HHAT: variants seen among roughly 807,000 people sequenced by gnomAD.
The protein encoded by HHAT is protein-cysteine N-palmitoyltransferase HHAT.
In HHAT, 47 loss-of-function variants were observed where a neutral mutation model predicts 70.8. That is an observed-to-expected ratio of 0.66 (90% CI 0.53 to 0.85). The LOEUF is 0.85. HHAT is among the 40% of genes least tolerant of loss of function. The pLI is 0.00. For missense variants in HHAT, 609 were observed against 604.8 expected, an observed-to-expected ratio of 1.01 and a Z score of -0.07; for synonymous variants, 228 against 247.6, an observed-to-expected ratio of 0.92 and a Z score of 0.74.
chr1:210,410,094 C>T (rs1282353056), intron 6 of HHAT, among the ~76,000 whole-genome samples: 1 of 151,942 alleles, frequency 6.6e-6, no homozygotes, highest in Admixed American at 6.6e-5. Context: ...GCTCTGTCGC[C>T]CAGGATGGAG....
chr1:210,577,107 A>G (rs1251356299), intron 9 of HHAT, among the ~76,000 whole-genome samples: 1 of 150,428 alleles, frequency 6.6e-6, no homozygotes, highest in Non-Finnish European at 1.5e-5. Context: ...TTTTTTACGT[A>G]TAAGATCATG....
intron 7 of HHAT, chr1:210,462,455 T>G (rs2093999085): frequency 6.6e-6 from 1 of 152,228 alleles, no homozygotes; most frequent in African/African-American, 2.4e-5. Flanking sequence ...GAAACTGATT[T>G]ATCACCCAGA....
At chr1:210,417,880 T>C (rs1369539403) in intron 6 of HHAT, among the ~76,000 whole-genome samples, 1 of 152,124 alleles carries the variant, frequency 6.6e-6, no homozygotes, top group Non-Finnish European at 1.5e-5. Context: ...GGGCTGATGC[T>C]GGAGTGGAGG....
intron 10 of HHAT, among the ~76,000 whole-genome samples, chr1:210,601,959 ATGT>A (rs1664368868): frequency 4.1e-5 from 2 of 48,768 alleles, no homozygotes; most frequent in African/African-American, 6.6e-5. Context: ...GAGAGAGAGT[ATGT>A]GTGTGAGAGT....
intron 11 of HHAT, among the ~76,000 whole-genome samples, chr1:210,630,048 C>T (rs973364966): frequency 6.6e-6 from 1 of 151,942 alleles, no homozygotes; most frequent in African/African-American, 2.4e-5. Flanking sequence ...TCACCATGTT[C>T]GTCAGGCTGG....
At chr1:210,598,349 A>G (rs1663488346) in intron 10 of HHAT, among the ~76,000 whole-genome samples, 1 of 152,032 alleles carries the variant, frequency 6.6e-6, no homozygotes. Context: ...GTGACTCACT[A>G]GGTCACGTGT....
At chr1:210,333,606 G>A (rs1337439838) in intron 1 of HHAT, among the ~76,000 whole-genome samples, 2 of 151,982 alleles carry the variant, frequency 1.3e-5, no homozygotes, top group African/African-American at 4.8e-5. Flanking sequence ...ACAGTAGTAT[G>A]AAAGTATCTG....
intron 11 of HHAT, among the ~76,000 whole-genome samples, chr1:210,672,715 G>A (rs1680338384): frequency 6.6e-6 from 1 of 152,130 alleles, no homozygotes. Flanking sequence ...AGATTGTTAA[G>A]TAACAAATAC....
At chr1:210,588,638 T>C (rs1387824447) in intron 10 of HHAT, 1 of 152,602 alleles carries the variant, frequency 6.6e-6, no homozygotes, top group Non-Finnish European at 1.5e-5. Flanking sequence ...TGTATTAAGA[T>C]GAATATCATA....
chr1:210,624,328 T>A (rs1408322180), intron 11 of HHAT, among the ~76,000 whole-genome samples: 1 of 152,180 alleles, frequency 6.6e-6, no homozygotes, highest in African/African-American at 2.4e-5. Flanking sequence ...AAGAAATAAA[T>A]TCCATTTCTT....
intron 10 of HHAT, among the ~76,000 whole-genome samples, chr1:210,603,828 G>T (rs1252982233): frequency 6.6e-6 from 1 of 152,178 alleles, no homozygotes; most frequent in African/African-American, 2.4e-5. Flanking sequence ...CTTTCGAGCA[G>T]CTGCTGGCCT....
chr1:210,468,042 T>G (rs1305803242), intron 8 of HHAT, among the ~76,000 whole-genome samples: 1 of 152,288 alleles, frequency 6.6e-6, no homozygotes, highest in East Asian at 1.9e-4. Flanking sequence ...CCTGATGGGT[T>G]TGTTTTTCTT....
At chr1:210,637,871 A>AAGGG (rs1553312396) in intron 11 of HHAT, among the ~76,000 whole-genome samples, 6 of 117,500 alleles carry the variant, frequency 5.1e-5, no homozygotes, top group African/African-American at 9.7e-5. Flanking sequence ...AAAAAAAAAA[A>AAGGG]GGGGGGGGCA....
At chr1:210,583,308 C>T (rs1370308351) in intron 9 of HHAT, among the ~76,000 whole-genome samples, 2 of 152,192 alleles carry the variant, frequency 1.3e-5, no homozygotes, top group African/African-American at 4.8e-5. Flanking sequence ...GCAGTGACCA[C>T]GCGAAGCCGG....
intron 3 of HHAT, among the ~76,000 whole-genome samples, chr1:210,375,138 A>G (rs541195851): frequency 1.6e-5 from 1 of 61,640 alleles, no homozygotes; most frequent in South Asian, 3.7e-4. Context: ...GTTTTATCAC[A>G]TGTGTAGATT....
At chr1:210,452,380 C>G (rs537979626) in intron 7 of HHAT, among the ~76,000 whole-genome samples, 3 of 152,124 alleles carry the variant, frequency 2.0e-5, no homozygotes, top group Non-Finnish European at 2.9e-5. Flanking sequence ...TCAGTGCCTC[C>G]CCTTTTAGAA....
intron 2 of HHAT, among the ~76,000 whole-genome samples, chr1:210,359,160 G>C (rs535373569): frequency 2.6e-5 from 4 of 152,150 alleles, no homozygotes; most frequent in African/African-American, 9.7e-5. Flanking sequence ...GGCACAGAAG[G>C]CTTCTTTTCT....
chr1:210,555,626 C>A (rs140353043), intron 9 of HHAT, among the ~76,000 whole-genome samples: 17 of 152,210 alleles, frequency 1.1e-4, no homozygotes, highest in African/African-American at 3.6e-4. Flanking sequence ...AAGCAGCCAG[C>A]CTTTGACACA....
rs35244381 is a variant in HHAT, at chr1:210,519,527, C to CTTTTTTTTTTTTT, written c.1043+6345_1043+6357dup. Among the ~76,000 whole-genome samples the CTTTTTTTTTTTTT allele has an allele frequency of 1.6e-5, 2 of 127,472 alleles. 1 individual carries two copies. The highest frequency in any genetic ancestry group is 3.3e-5 in the Non-Finnish European group (2 of 61,500). The allele number at this position is 127,472 out of a possible 152,430, so 83.6% of individuals were successfully genotyped here. ...ACATCCTTGCCAACAATTTTCTTTGCTTTTTTTTTTTTTTTTTTGAGGCAG... is the reference window on the plus strand; with the variant it reads ...ACATCCTTGCCAACAATTTTCTTTGCTTTTTTTTTTTTTTTTTTTTTTTTTTTTTTTGAGGCAG... On this transcript the variant is annotated intron_variant, in intron 9 of 11. Coordinates refer to ENST00000261458, the MANE Select transcript of HHAT (RefSeq NM_018194.6).
Sources: gnomAD v4.1 joint callset for allele counts (sites outside exome capture counted in the v4.1 genomes callset) on GRCh38, gnomAD v4.1.1 for gene constraint, MANE v1.5 for transcripts, NCBI Gene and HGNC (gene_info 2026-07-23, HGNC 2026-07-21) for gene names.